PTGER4: variants seen among roughly 807,000 people sequenced by gnomAD.
PTGER4 encodes prostaglandin E2 receptor EP4 subtype.
PTGER4 carries 11 observed loss-of-function variants against 33.2 expected under a neutral mutation model. The observed-to-expected ratio is 0.33, with a 90% confidence interval of 0.21 to 0.55. PTGER4 has a LOEUF of 0.55. PTGER4 is among the 20% of genes least tolerant of loss of function. PTGER4 has a pLI of 0.92. For missense variants in PTGER4, 481 were observed against 650.2 expected, an observed-to-expected ratio of 0.74 and a Z score of 2.83; for synonymous variants, 275 against 281.5, an observed-to-expected ratio of 0.98 and a Z score of 0.23.
downstream of PTGER4, among the ~76,000 whole-genome samples, chr5:40,697,288 AAGAAAG>A (rs965357595): frequency 4.3e-5 from 6 of 139,382 alleles, no homozygotes; most frequent in Admixed American, 1.5e-4. Context: ...GAAAGAAAGA[AAGAAAG>A]AAAAAGAAAG....
At chr5:40,741,514 T>C in the PTGER4 span, among the ~76,000 whole-genome samples, 4 of 152,208 alleles carry the variant, frequency 2.6e-5, no homozygotes, top group African/African-American at 4.8e-5. Flanking sequence ...AGGGACCTCA[T>C]AGACTTCTGG....
chr5:40,701,389 A>G, the PTGER4 span, among the ~76,000 whole-genome samples: 1 of 152,226 alleles, frequency 6.6e-6, no homozygotes, highest in African/African-American at 2.4e-5. Flanking sequence ...CAATGTAATC[A>G]CAAGTATTAA....
the PTGER4 span, among the ~76,000 whole-genome samples, chr5:40,710,380 C>T: frequency 6.6e-6 from 1 of 152,252 alleles, no homozygotes; most frequent in African/African-American, 2.4e-5. Context: ...CAGTGAGATA[C>T]CATCTAACAC....
At chr5:40,714,461 G>C in the PTGER4 span, 1 of 151,958 alleles carries the variant, frequency 6.6e-6, no homozygotes, top group Non-Finnish European at 1.5e-5. Context: ...AAAATAATAG[G>C]AAAATCTTCA....
At chr5:40,697,571 G>A (rs1259788490), downstream of PTGER4, among the ~76,000 whole-genome samples, 44 of 105,536 alleles carry the variant, frequency 4.2e-4, no homozygotes, top group Admixed American at 4.9e-3. Context: ...GGCAGCGAGC[G>A]AAATTCCATC....
the PTGER4 span, among the ~76,000 whole-genome samples, chr5:40,714,211 AC>A: frequency 6.6e-6 from 1 of 152,296 alleles, no homozygotes; most frequent in South Asian, 2.1e-4. Context: ...GGAATCAGAG[AC>A]TTCTTACTTT....
At chr5:40,731,901 T>C in the PTGER4 span, among the ~76,000 whole-genome samples, 7 of 152,234 alleles carry the variant, frequency 4.6e-5, no homozygotes, top group Non-Finnish European at 8.8e-5. Flanking sequence ...ACACTTATAT[T>C]TCCAAAGCAT....
chr5:40,693,744 G>GCATATCCT (rs1459474136), downstream of PTGER4: 1 of 975,594 alleles, frequency 1.0e-6, no homozygotes, highest in Non-Finnish European at 1.2e-6. Flanking sequence ...AATCTGAGTT[G>GCATATCCT]CATATCCTCA....
chr5:40,711,684 C>G, the PTGER4 span, among the ~76,000 whole-genome samples: 1 of 151,946 alleles, frequency 6.6e-6, no homozygotes, highest in Non-Finnish European at 1.5e-5. Context: ...TATCTATATA[C>G]TAGAATACTA....
At chr5:40,738,015 C>T in the PTGER4 span, among the ~76,000 whole-genome samples, 2 of 152,312 alleles carry the variant, frequency 1.3e-5, no homozygotes, top group East Asian at 3.9e-4. Flanking sequence ...CTGCTAGAGA[C>T]ATTGTTGGAA....
downstream of PTGER4, among the ~76,000 whole-genome samples, chr5:40,697,821 T>C (rs576499700): frequency 1.3e-5 from 2 of 151,686 alleles, no homozygotes; most frequent in South Asian, 2.1e-4. Flanking sequence ...GTAATAAGTA[T>C]ACTCATATCA....
the PTGER4 span, among the ~76,000 whole-genome samples, chr5:40,738,988 C>A: frequency 6.6e-6 from 1 of 152,150 alleles, no homozygotes; most frequent in Non-Finnish European, 1.5e-5. Flanking sequence ...TTTCTCCCAG[C>A]CTGTGGCCTG....
At position 40,692,058 on chromosome 5, in the gene PTGER4, C is replaced by T. The variant is rs199975495; in HGVS notation, c.1147C>T (p.Arg383Trp). The change falls in exon 3 of 3, where the codon CGG (arginine) becomes TGG (tryptophan). Residue 383 changes from arginine (R) to tryptophan (W), a missense_variant. By Grantham distance (101) the Arg-to-Trp change is moderately radical (BLOSUM62 -3). Transcript: ENST00000302472. Reference sequence around the variant, plus strand: ...AGGCCACTCTCGCTCCTTCATCTCCCGGGAGCTGAAGGAGATCAGCAGTAC... The same window carrying T: ...AGGCCACTCTCGCTCCTTCATCTCCTGGGAGCTGAAGGAGATCAGCAGTAC... ...MSGHSRSFISRELKEISSTSQ... is the reference protein window; with the variant it reads ...MSGHSRSFISWELKEISSTSQ... 16 of 1,614,238 alleles carry T rather than the reference C, an allele frequency of 9.9e-6. No homozygotes were observed. Among genetic ancestry groups the T allele is most frequent in the South Asian group, 4.4e-5 (4 of 91,080 alleles).
chr5:40,741,269 T>G, the PTGER4 span, among the ~76,000 whole-genome samples: 2 of 152,178 alleles, frequency 1.3e-5, no homozygotes, highest in East Asian at 1.9e-4. Flanking sequence ...AGGTCTGAAG[T>G]AGCCTTCCCT....
the PTGER4 span, among the ~76,000 whole-genome samples, chr5:40,740,128 T>C: frequency 2.6e-5 from 4 of 152,130 alleles, no homozygotes; most frequent in East Asian, 3.8e-4. Context: ...TTTACTTCTA[T>C]ATAACTTTGC....
At chr5:40,730,300 T>C in the PTGER4 span, 1 of 1,612,450 alleles carries the variant, frequency 6.2e-7, no homozygotes, top group South Asian at 1.1e-5. Context: ...TCATTTGGAG[T>C]TAACTGTAGT....
Position 40,691,868 on chromosome 5 carries a change from T to A in PTGER4, c.957T>A (p.Ser319=), listed in dbSNP as rs1363392117. ...ATTTGCAGGCCATCCGAATTGCTTCTGTGAACCCCATCCTAGACCCCTGGA... is the reference window on the plus strand; with the variant it reads ...ATTTGCAGGCCATCCGAATTGCTTCAGTGAACCCCATCCTAGACCCCTGGA... ...NPDLQAIRIA[S]VNPILDPWIY... The change falls in exon 3 of 3, where the codon TCT becomes TCA. Residue 319 remains serine, a synonymous_variant. Coordinates refer to ENST00000302472, the MANE Select transcript of PTGER4 (RefSeq NM_000958.3). This position sits in a 1 kb window ranked among gnomAD's most constrained non-coding sequence, Gnocchi z 4.2. 1.2e-6 allele frequency: 2 copies of A among 1,614,152 alleles called. No homozygotes were observed. The highest frequency in any genetic ancestry group is 3.3e-5 in the Admixed American group (2 of 60,014).
In PTGER4 at chr5:40,680,268, T is replaced by TG. The variant is rs1207708711; in HGVS notation, c.-253dup. ...ACCATTCTTCACTGACCCATCCCGC[T>TG]GCACCTCTTGTTTCCCAAGTTTTTG... On this transcript the variant is annotated 5_prime_UTR_variant, in exon 1 of 3. Transcript: ENST00000302472. This position sits in a 1 kb window ranked among gnomAD's most constrained non-coding sequence, Gnocchi z 5.5. 1.3e-5 allele frequency: 2 copies of TG among 152,598 alleles called. No individual in the cohort carries two copies. Among genetic ancestry groups the TG allele is most frequent in the Non-Finnish European group, 2.9e-5 (2 of 68,188 alleles). The allele number at this position is 152,598 out of a possible 1,614,324, so 9.5% of individuals were successfully genotyped here.
chr5:40,692,241 C>G lies in PTGER4; in HGVS notation c.1330C>G (p.Gln444Glu), dbSNP rs757690872. Residue 444 changes from glutamine (Q) to glutamate (E), a missense_variant, in exon 3 of 3, where the codon CAG (glutamine) becomes GAG (glutamate). Gln to Glu is a conservative substitution (Grantham distance 29, BLOSUM62 2). Around this residue, in one of 7 missense-constraint regions of PTGER4, gnomAD observed 172 missense variants for 199.2 expected, o/e 0.86. Transcript: ENST00000302472. ...AATATCAGAGACCTCAGACTCTTCA[C>G]AGGGTCAGGACTCAGAGAGTGTCTT... The part of the protein sequence containing the change: ...LRISETSDSS[Q>E]GQDSESVLLV... 6.2e-7 allele frequency: 1 copy of G among 1,614,248 alleles called. No individual in the cohort carries two copies. The highest frequency in any genetic ancestry group is 8.5e-7 in the Non-Finnish European group (1 of 1,180,040).
Sources: gnomAD v4.1 joint callset for allele counts (sites outside exome capture counted in the v4.1 genomes callset) on GRCh38, gnomAD v4.1.1 for gene constraint, gnomAD v4.1.1 regional missense constraint, Gnocchi (gnomAD v3.1) non-coding constraint, MANE v1.5 for transcripts, NCBI Gene and HGNC (gene_info 2026-07-23, HGNC 2026-07-21) for gene names.